DHX29: variants seen among roughly 807,000 people sequenced by gnomAD.
DHX29 encodes the protein ATP-dependent RNA helicase DHX29.
DHX29 carries 79 observed loss-of-function variants against 167.9 expected under a neutral mutation model. The observed-to-expected ratio is 0.47, with a 90% CI of 0.39 to 0.57. DHX29 has a LOEUF of 0.57. Among genes scored for constraint, DHX29 ranks in the 20% least tolerant of loss-of-function variants. The pLI is 0.00. For synonymous variants in DHX29, 530 were observed against 546.0 expected (o/e 0.97, Z 0.41); for missense variants, 1,347 against 1,593.4 (o/e 0.85, Z 2.63).
intron 23 of DHX29, among the ~76,000 whole-genome samples, chr5:55,263,828 C>T (rs1579752398): frequency 6.7e-6 from 1 of 149,020 alleles, no homozygotes; most frequent in African/African-American, 2.5e-5. Context: ...TCATGTGCTT[C>T]GAGAAGGACA....
rs1302778320 is a variant in DHX29 at position 55,285,628 on chromosome 5, A to G, written c.1232+68T>C. The stretch of plus-strand genomic sequence containing the variant: ...TCTGCTTACCTCACAGGGAACAAAA[A>G]GATTTCCACCTTAAATTTTTCTAAA... On this transcript the variant is annotated intron_variant, in intron 9 of 26. Transcript: ENST00000251636. The G allele has an allele frequency of 9.5e-6, 14 of 1,473,666 alleles. No individual in the cohort carries two copies. The South Asian group carries it at 1.9e-4, about 20-fold the overall frequency. The allele number at this position is 1,473,666 out of a possible 1,614,324, so 91.3% of individuals were successfully genotyped here.
In DHX29 at chr5:55,296,288, G is replaced by C. The variant is rs1182724497; in HGVS notation, c.437C>G (p.Thr146Ser). Reference sequence around the variant, plus strand: ...GTCACCTCCATATAAGAGTGTATTGGTCATGGCATCTTCAATGTCCTTTGT... The same window carrying C: ...GTCACCTCCATATAAGAGTGTATTGCTCATGGCATCTTCAATGTCCTTTGT... ...FKTKDIEDAM[T>S]NTLLYGGDLH... Residue 146 changes from threonine to serine, a missense_variant, in exon 4 of 27, where the codon ACC (threonine) becomes AGC (serine). Thr to Ser is a moderately conservative substitution (Grantham distance 58). This residue lies in a region of DHX29 where 405 missense variants were observed against 416.8 expected (regional missense o/e 0.97). Coordinates refer to ENST00000251636, the MANE Select transcript of DHX29 (RefSeq NM_019030.4). 3.7e-6 allele frequency: 6 copies of C among 1,613,486 alleles called. No individual in the cohort carries two copies. The African/African-American group carries it at 6.7e-5, about 18-fold the overall frequency.
At chr5:55,276,074 A>AGAC (rs1579775152) in intron 14 of DHX29, among the ~76,000 whole-genome samples, 192 bp downstream of exon 14, 1 of 152,356 alleles carries the variant, frequency 6.6e-6, no homozygotes, top group East Asian at 1.9e-4. Flanking sequence ...AAAGTATCAC[A>AGAC]AATCAAAGAC....
intron 1 of DHX29, among the ~76,000 whole-genome samples, chr5:55,302,758 C>G (rs540267699): frequency 4.8e-4 from 73 of 152,206 alleles, no homozygotes; most frequent in Admixed American, 7.8e-4. Context: ...AACAAAAGAG[C>G]TGAGTTTCTG....
At chr5:55,268,212 A>G (rs1746678199) in intron 21 of DHX29, among the ~76,000 whole-genome samples, 1 of 152,206 alleles carries the variant, frequency 6.6e-6, no homozygotes, top group South Asian at 2.1e-4. Context: ...TCTTGGCCTC[A>G]AGACCACTGA....
rs1345697353 is a variant in DHX29, at chr5:55,283,973, A to G, written c.1357-162T>C. Reference sequence around the variant, plus strand: ...GTGTATGATGCAAATTCAATTGATTAGCACTTGATAGCTATATTCATCTTA... The same window carrying G: ...GTGTATGATGCAAATTCAATTGATTGGCACTTGATAGCTATATTCATCTTA... On this transcript the variant is annotated intron_variant, in intron 10 of 26. Transcript: ENST00000251636. 3 of 546,232 alleles carry G rather than the reference A, an allele frequency of 5.5e-6. No individual in the cohort carries two copies. The East Asian group carries it at 9.1e-5, about 17-fold the overall frequency. 33.8% of individuals were successfully genotyped at this position (546,232 alleles called of 1,614,324 possible).
Position 55,256,336 on chromosome 5 carries a change from A to T in DHX29, c.*152T>A, listed in dbSNP as rs932873281. The T allele has an allele frequency of 1.9e-6, 1 of 538,296 alleles. No individual in the cohort carries two copies. The highest frequency in any genetic ancestry group is 3.1e-6 in the Non-Finnish European group (1 of 319,876). 33.3% of individuals were successfully genotyped at this position (538,296 alleles called of 1,614,324 possible). A position where few individuals can be genotyped will look rare whatever the true frequency, so the allele number is the denominator to read the frequency against. On this transcript the variant is annotated 3_prime_UTR_variant, in exon 27 of 27. Transcript: ENST00000251636. ...AGGAACTAGAAAATTATACATGTTT[A>T]AAGTATGTGCTTTTTTCCCACCACC...
chr5:55,296,987 C>T (rs2111962856), intron 3 of DHX29, among the ~76,000 whole-genome samples: 1 of 152,200 alleles, frequency 6.6e-6, no homozygotes, highest in South Asian at 2.1e-4. Context: ...AATACATTTA[C>T]TTCATAGGAC....
chr5:55,287,283 A>G (rs1237759956), intron 8 of DHX29, among the ~76,000 whole-genome samples: 1 of 152,108 alleles, frequency 6.6e-6, no homozygotes, highest in African/African-American at 2.4e-5. Context: ...TCTACTAAAA[A>G]TACAAAAATT....
At chr5:55,290,486 TAG>T (rs372063046) in intron 6 of DHX29, 142 bp from the exon 7 acceptor site, 2 of 1,069,156 alleles carry the variant, frequency 1.9e-6, no homozygotes, top group African/African-American at 3.2e-5. Flanking sequence ...GAATTTTTCA[TAG>T]AGAAATAAAA....
In DHX29 at chr5:55,283,401, C is replaced by G; in HGVS notation, c.1767G>C (p.Arg589=). ...CTGTTTCACCTGCCACAACCACTAC[C>G]CGATGCCTTTTAAGAGTTTCAACAA... is the stretch of plus-strand genomic sequence containing the variant. ...DSIVETLKRH[R]VVVVAGETGS... Residue 589 remains arginine, a synonymous_variant, in exon 11 of 27, where the codon CGG becomes CGC. Transcript: ENST00000251636. 1 of 1,614,184 alleles carries G rather than the reference C, an allele frequency of 6.2e-7. No homozygotes were observed. Among genetic ancestry groups the G allele is most frequent in the South Asian group, 1.1e-5 (1 of 91,076 alleles).
intron 2 of DHX29, among the ~76,000 whole-genome samples, chr5:55,298,306 A>G (rs543082338): frequency 6.6e-6 from 1 of 152,336 alleles, no homozygotes; most frequent in South Asian, 2.1e-4. Context: ...TTAAGTAGAG[A>G]TCAGAGTAGC....
At chr5:55,258,913 T>C (rs1746177323) in intron 26 of DHX29, among the ~76,000 whole-genome samples, 1 of 152,062 alleles carries the variant, frequency 6.6e-6, no homozygotes, top group African/African-American at 2.4e-5. Flanking sequence ...AGCTCTGCAT[T>C]TGAAAGAAAC....
chr5:55,265,686 G>C (rs1292621231), intron 23 of DHX29, among the ~76,000 whole-genome samples: 1 of 124,144 alleles, frequency 8.1e-6, no homozygotes, highest in South Asian at 2.6e-4. Flanking sequence ...AAAAAAAAAA[G>C]CCAGTAATGA....
At position 55,283,431 on chromosome 5, in the gene DHX29, G is replaced by A. The variant is rs1231732389; in HGVS notation, c.1737C>T (p.Asp579=). 1.2e-6 allele frequency: 2 copies of A among 1,614,196 alleles called. No individual in the cohort carries two copies. The highest frequency in any genetic ancestry group is 1.7e-5 in the Admixed American group (1 of 60,020). The part of the protein sequence containing the change: ...RQQLPVFKHR[D]SIVETLKRHR... ...GCCTTTTAAGAGTTTCAACAATTGA[G>A]TCCCGATGTTTAAATACAGGTAGCT... The change falls in exon 11 of 27, where the codon GAC becomes GAT. Residue 579 remains aspartate (D), a synonymous_variant. Transcript: ENST00000251636.
In DHX29 at chr5:55,274,703, T is replaced by C; in HGVS notation, c.2601A>G (p.Glu867=). ...LDKSPQFRNI[E]GAVLIFLPGL... is the part of the protein sequence containing the mutation. Reference sequence around the variant, plus strand: ...CTGGTAAAAAGATCAATACTGCTCCTTCAATATTTCTGAATTGGGGACTTT... The same window carrying C: ...CTGGTAAAAAGATCAATACTGCTCCCTCAATATTTCTGAATTGGGGACTTT... The change falls in exon 16 of 27, where the codon GAA becomes GAG. Residue 867 remains glutamate, a synonymous_variant. Transcript: ENST00000251636. 1 of 1,593,894 alleles carries C rather than the reference T, an allele frequency of 6.3e-7. No individual in the cohort carries two copies. Among genetic ancestry groups the C allele is most frequent in the Non-Finnish European group, 8.5e-7 (1 of 1,173,998 alleles).
chr5:55,288,571 C>A (rs930171890), intron 8 of DHX29, among the ~76,000 whole-genome samples: 1 of 151,660 alleles, frequency 6.6e-6, no homozygotes, highest in Admixed American at 6.6e-5. Flanking sequence ...ATTATTTGAT[C>A]CTATAGTGAA....
In DHX29 at chr5:55,267,207, T is replaced by C. The variant is rs1297602216; in HGVS notation, c.3456A>G (p.Gly1152=). The change falls in exon 23 of 27, where the codon GGA becomes GGG. Residue 1152 remains glycine, a synonymous_variant. Coordinates refer to ENST00000251636, the MANE Select transcript of DHX29 (RefSeq NM_019030.4). ...AGTATGTGATTTCAGAACGATAACCTCCTTCTTGTCGTGCTTTCTTCCATC... is the reference window on the plus strand; with the variant it reads ...AGTATGTGATTTCAGAACGATAACCCCCTTCTTGTCGTGCTTTCTTCCATC... ...YLGWKKARQE[G]GYRSEITYCR... The C allele has an allele frequency of 6.2e-7, 1 of 1,612,768 alleles. No individual in the cohort carries two copies. Among genetic ancestry groups the C allele is most frequent in the South Asian group, 1.1e-5 (1 of 90,984 alleles).
Position 55,281,383 on chromosome 5 carries a change from T to C in DHX29, c.2098A>G (p.Ile700Val), listed in dbSNP as rs749377732. The C allele has an allele frequency of 3.2e-6, 5 of 1,585,700 alleles. No individual in the cohort carries two copies. The African/African-American group carries it at 4.1e-5, about 13-fold the overall frequency. The change falls in exon 12 of 27, where the codon ATT becomes GTT. Residue 700 changes from isoleucine to valine, a missense_variant. By Grantham distance (29) the Ile-to-Val change is conservative. Around this residue, in one of 3 missense-constraint regions of DHX29, gnomAD observed 882 missense variants for 1,082.4 expected, o/e 0.81. Transcript: ENST00000251636. ...TAGAATCCACTCACCTCATCTACAA[T>C]AACATGAGACACATTACTTAGAAGA... Reference protein sequence around the residue: ...DGLLSNVSHVIVDEVHERSVQ... With the variant: ...DGLLSNVSHVVVDEVHERSVQ...
Sources: gnomAD v4.1 joint callset for allele counts (sites outside exome capture counted in the v4.1 genomes callset) on GRCh38, gnomAD v4.1.1 for gene constraint, gnomAD v4.1.1 regional missense constraint, MANE v1.5 for transcripts, NCBI Gene and HGNC (gene_info 2026-07-23, HGNC 2026-07-21) for gene names.